The following CLSTN2 variants were observed in gnomAD, a reference collection of about 807,000 sequenced individuals.
The protein encoded by CLSTN2 is calsyntenin-2.
In CLSTN2, 48 loss-of-function variants were observed where a neutral mutation model predicts 101.2. The observed-to-expected ratio is 0.47, with a 90% CI of 0.38 to 0.60. The LOEUF is 0.60. Ranked by LOEUF, CLSTN2 falls within the 20% of genes least tolerant of loss-of-function variation. The pLI, the probability that CLSTN2 is intolerant of heterozygous loss-of-function variation, is 0.00. For missense variants in CLSTN2, 1,160 were observed against 1,238.2 expected (o/e 0.94, Z 0.95); for synonymous variants, 481 against 463.6 (o/e 1.04, Z -0.48).
At chr3:140,211,429 A>G (rs991115835) in intron 2 of CLSTN2, among the ~76,000 whole-genome samples, 4 of 29,214 alleles carry the variant, frequency 1.4e-4, no homozygotes, top group Non-Finnish European at 2.1e-4. Flanking sequence ...CACACACAGT[A>G]TATATATATA....
rs1417807496 is a variant in CLSTN2, at chr3:140,076,659, C to G, written c.110-99292C>G. Among the ~76,000 whole-genome samples the G allele has an allele frequency of 1.6e-4, 14 of 90,098 alleles. No homozygotes were observed. The South Asian group carries it at 4.4e-3, about 29-fold the overall frequency. The allele number at this position is 90,098 out of a possible 152,430, so 59.1% of individuals were successfully genotyped here. A position where few individuals can be genotyped will look rare whatever the true frequency, so the allele number is the denominator to read the frequency against. On this transcript the variant is annotated intron_variant, in intron 1 of 16. Coordinates refer to ENST00000458420, the MANE Select transcript of CLSTN2 (RefSeq NM_022131.3). ...TTTTTTTTTTTTTTTTTTTTCCTAG[C>G]CTTCGAGGCCCACCTTCTCTCTGAA...
intron 2 of CLSTN2, among the ~76,000 whole-genome samples, chr3:140,317,083 T>G (rs2087237791): frequency 6.6e-6 from 1 of 152,174 alleles, no homozygotes; most frequent in Admixed American, 6.5e-5. Context: ...AGTTGAGAGT[T>G]TCAGTGATTT....
chr3:140,061,690 A>C (rs771093690), intron 1 of CLSTN2, among the ~76,000 whole-genome samples: 16 of 152,188 alleles, frequency 1.1e-4, no homozygotes, highest in Non-Finnish European at 1.9e-4. Flanking sequence ...TTCCACCTAC[A>C]TTGTTGCAGT....
intron 10 of CLSTN2, among the ~76,000 whole-genome samples, chr3:140,555,600 T>C (rs17350052): frequency 0.42 from 63,886 of 152,108 alleles, 15,833 homozygotes; most frequent in African/African-American, 0.7. Context: ...AAAAAAAATC[T>C]ATGTCTCCCT....
intron 8 of CLSTN2, among the ~76,000 whole-genome samples, chr3:140,474,401 G>C (rs1253091597): frequency 6.6e-6 from 1 of 152,112 alleles, no homozygotes; most frequent in East Asian, 1.9e-4. Context: ...CTTTTCACCA[G>C]GCCTGCTTCC....
intron 2 of CLSTN2, among the ~76,000 whole-genome samples, chr3:140,229,910 G>A (rs182170027): frequency 9.3e-4 from 141 of 152,154 alleles, no homozygotes; most frequent in African/African-American, 3.3e-3. Context: ...TATCCTGATC[G>A]TCCCTCTGAG....
At chr3:140,206,694 A>G (rs2010787530) in intron 2 of CLSTN2, among the ~76,000 whole-genome samples, 2 of 152,186 alleles carry the variant, frequency 1.3e-5, no homozygotes, top group Admixed American at 6.5e-5. Context: ...AGAGGCTGAG[A>G]CTAGGTTTAA....
rs35529742 is a variant in CLSTN2, at chr3:140,193,125, A to G, written c.232+17052A>G. Among the ~76,000 whole-genome samples the G allele has an allele frequency of 2.0e-3, 301 of 152,000 alleles. 1 individual carries two copies. The highest frequency in any genetic ancestry group is 3.5e-3 in the Non-Finnish European group (238 of 67,876). On this transcript the variant is annotated intron_variant, in intron 2 of 16. Transcript: ENST00000458420. ...TATATATGCTTAGAGCCGTATCAGT[A>G]TTATAATTTTTGCTTAAAATGTAAA...
intron 1 of CLSTN2, among the ~76,000 whole-genome samples, chr3:139,973,093 A>C (rs1056629421): frequency 6.6e-6 from 1 of 152,366 alleles, no homozygotes; most frequent in African/African-American, 2.4e-5. Context: ...CACTGTGAGC[A>C]GGGCTCTGAG....
At chr3:140,071,951 G>A (rs1057171429) in intron 1 of CLSTN2, among the ~76,000 whole-genome samples, 7 of 152,162 alleles carry the variant, frequency 4.6e-5, no homozygotes, top group African/African-American at 1.7e-4. Flanking sequence ...ATCTTTATCT[G>A]TCAGATTTGC....
chr3:140,348,328 A>G (rs937868809), intron 2 of CLSTN2, among the ~76,000 whole-genome samples: 13 of 152,206 alleles, frequency 8.5e-5, no homozygotes, highest in African/African-American at 1.9e-4. Context: ...CTTTTAAAAC[A>G]TGTATTTCAG....
At chr3:140,482,665 T>C (rs879357027) in intron 8 of CLSTN2, among the ~76,000 whole-genome samples, 25 of 152,224 alleles carry the variant, frequency 1.6e-4, no homozygotes, top group Non-Finnish European at 3.1e-4. Flanking sequence ...CCTGGTTTAG[T>C]CTTGGGAGGG....
intron 5 of CLSTN2, among the ~76,000 whole-genome samples, chr3:140,424,928 T>C (rs1403242068): frequency 6.6e-6 from 1 of 152,052 alleles, no homozygotes; most frequent in Non-Finnish European, 1.5e-5. Context: ...GGAGCTGCAA[T>C]GAGCCTCAAC....
At chr3:140,128,890 G>C (rs538365832) in intron 1 of CLSTN2, among the ~76,000 whole-genome samples, 2 of 151,854 alleles carry the variant, frequency 1.3e-5, no homozygotes, top group Admixed American at 6.5e-5. Context: ...GCAGCAGAAG[G>C]GGGCAGAGCT....
intron 1 of CLSTN2, among the ~76,000 whole-genome samples, chr3:140,171,637 ATT>A (rs2010216042): frequency 8.4e-6 from 1 of 118,752 alleles, no homozygotes; most frequent in Non-Finnish European, 1.6e-5. Context: ...TGTATTATAT[ATT>A]ATATATAATA....
At chr3:140,093,514 A>G (rs949846768) in intron 1 of CLSTN2, among the ~76,000 whole-genome samples, 1 of 152,030 alleles carries the variant, frequency 6.6e-6, no homozygotes, top group Non-Finnish European at 1.5e-5. Context: ...CACATTTCAT[A>G]TTCTTTGCTG....
chr3:140,041,363 A>G (rs1422097145), intron 1 of CLSTN2, among the ~76,000 whole-genome samples: 1 of 151,574 alleles, frequency 6.6e-6, no homozygotes, highest in African/African-American at 2.4e-5. Flanking sequence ...AGGGGTCAGC[A>G]GAAAAGGCTT....
rs529463642 is a variant in CLSTN2, at chr3:140,097,699, G to A, written c.110-78252G>A. On this transcript the variant is annotated intron_variant, in intron 1 of 16. Coordinates refer to ENST00000458420, the MANE Select transcript of CLSTN2 (RefSeq NM_022131.3). Reference sequence around the variant, plus strand: ...CTCAACTAGCGTCAATTGCAGTGCAGTTACTAGGCTGGAAGGTGCTGATAT... The same window carrying A: ...CTCAACTAGCGTCAATTGCAGTGCAATTACTAGGCTGGAAGGTGCTGATAT... Among the ~76,000 whole-genome samples, 216 of 152,310 alleles carry A rather than the reference G, an allele frequency of 1.4e-3. 1 individual carries two copies. The highest frequency in any genetic ancestry group is 4.6e-3 in the African/African-American group (192 of 41,574).
intron 6 of CLSTN2, among the ~76,000 whole-genome samples, chr3:140,451,963 G>T (rs1933262357): frequency 6.6e-6 from 1 of 152,176 alleles, no homozygotes; most frequent in Non-Finnish European, 1.5e-5. Flanking sequence ...CTGAACCAGG[G>T]GAATGGCAGG....
Sources: gnomAD v4.1 joint callset for allele counts (sites outside exome capture counted in the v4.1 genomes callset) on GRCh38, gnomAD v4.1.1 for gene constraint, MANE v1.5 for transcripts, NCBI Gene and HGNC (gene_info 2026-07-23, HGNC 2026-07-21) for gene names.